MTUS1: variants seen among roughly 807,000 people sequenced by gnomAD.
The protein encoded by MTUS1 is microtubule-associated tumor suppressor 1.
Under a neutral mutation model 120.8 loss-of-function variants are expected in MTUS1, and 109 were observed. The observed-to-expected ratio is 0.90, with a 90% confidence interval of 0.77 to 1.06. MTUS1 has a LOEUF of 1.06. Among genes scored for constraint, MTUS1 ranks in the 50% least tolerant of loss-of-function variants. The probability of loss-of-function intolerance (pLI) is 0.00; values close to 1 mark genes in which losing one functional copy is unlikely to be tolerated. For missense variants in MTUS1, 2,210 were observed against 1,486.3 expected, an observed-to-expected ratio of 1.49 and a Z score of -8.01; for synonymous variants, 737 against 550.5, an observed-to-expected ratio of 1.34 and a Z score of -4.74.
chr8:17,692,852 G>C (rs1177086300), intron 6 of MTUS1, among the ~76,000 whole-genome samples: 1 of 152,082 alleles, frequency 6.6e-6, no homozygotes, highest in East Asian at 1.9e-4. Context: ...GAACCTAAAA[G>C]TTCAAAATAA....
chr8:17,711,935 T>C (rs1034927536), intron 6 of MTUS1, among the ~76,000 whole-genome samples: 3 of 152,312 alleles, frequency 2.0e-5, no homozygotes, highest in South Asian at 2.1e-4. Context: ...AGTGGAGCAC[T>C]TGAAATGCAA....
intron 6 of MTUS1, chr8:17,705,581 A>G (rs1177097893): frequency 6.6e-6 from 1 of 152,104 alleles, no homozygotes; most frequent in Non-Finnish European, 1.5e-5. Context: ...TGTTTTAAGT[A>G]TAGGGGGAAA....
chr8:17,768,949 G>T (rs1259073373), intron 1 of MTUS1, among the ~76,000 whole-genome samples: 2 of 151,806 alleles, frequency 1.3e-5, no homozygotes, highest in African/African-American at 2.4e-5. Flanking sequence ...TTTTAATATG[G>T]TTACAATTTA....
chr8:17,727,878 G>C (rs2046320884), intron 3 of MTUS1, among the ~76,000 whole-genome samples: 1 of 152,060 alleles, frequency 6.6e-6, no homozygotes, highest in Non-Finnish European at 1.5e-5. Flanking sequence ...AATCTGGAAG[G>C]AATAACACCT....
At chr8:17,748,941 G>A (rs1165833094) in intron 2 of MTUS1, among the ~76,000 whole-genome samples, 2 of 152,160 alleles carry the variant, frequency 1.3e-5, no homozygotes, top group Non-Finnish European at 2.9e-5. Flanking sequence ...TACTCACAGT[G>A]TGAATTCCAA....
At chr8:17,761,449 T>C (rs2049031217) in intron 1 of MTUS1, among the ~76,000 whole-genome samples, 3 of 152,196 alleles carry the variant, frequency 2.0e-5, no homozygotes, top group Admixed American at 2.0e-4. Context: ...ATGAGAAACC[T>C]CTGAGAAATC....
intron 7 of MTUS1, among the ~76,000 whole-genome samples, chr8:17,678,257 G>A (rs537061324): frequency 6.6e-6 from 1 of 152,082 alleles, no homozygotes; most frequent in Non-Finnish European, 1.5e-5. Context: ...TTACTCAGCT[G>A]CTCCTAGATC....
chr8:17,693,719 G>C (rs548903308), intron 6 of MTUS1, among the ~76,000 whole-genome samples: 5 of 152,330 alleles, frequency 3.3e-5, no homozygotes, highest in African/African-American at 4.8e-5. Context: ...CACCTGCTGA[G>C]AGCTGCTTGG....
chr8:17,777,075 T>A (rs1195526937), intron 1 of MTUS1, among the ~76,000 whole-genome samples: 1 of 152,132 alleles, frequency 6.6e-6, no homozygotes, highest in Non-Finnish European at 1.5e-5. Context: ...AACTAGTGAA[T>A]TAGCCCTCGT....
intron 7 of MTUS1, among the ~76,000 whole-genome samples, chr8:17,677,681 G>A (rs528559550): frequency 1.3e-5 from 2 of 152,210 alleles, no homozygotes; most frequent in South Asian, 4.2e-4. Context: ...TGTCCTTAAT[G>A]CCTCAGAAAC....
At chr8:17,724,679 G>A (rs1188385693) in intron 3 of MTUS1, among the ~76,000 whole-genome samples, 1 of 152,084 alleles carries the variant, frequency 6.6e-6, no homozygotes, top group Non-Finnish European at 1.5e-5. Context: ...TCACGAACCT[G>A]CTACCTAAAT....
At chr8:17,735,761 T>C (rs1006052882) in intron 3 of MTUS1, among the ~76,000 whole-genome samples, 3 of 152,246 alleles carry the variant, frequency 2.0e-5, no homozygotes, top group African/African-American at 7.2e-5. Context: ...CCAAGGAATG[T>C]TTTTAAACAC....
At chr8:17,670,503 G>C (rs995859705) in intron 8 of MTUS1, among the ~76,000 whole-genome samples, 5 of 152,154 alleles carry the variant, frequency 3.3e-5, no homozygotes, top group Non-Finnish European at 2.9e-5. Flanking sequence ...GTGGAAAAGT[G>C]CTTGACCTAT....
chr8:17,770,354 C>A (rs913809463), intron 1 of MTUS1: 3 of 151,036 alleles, frequency 2.0e-5, no homozygotes, highest in African/African-American at 7.3e-5. Flanking sequence ...AGAGCAGCTT[C>A]AAAAAAAAAT....
intron 6 of MTUS1, among the ~76,000 whole-genome samples, chr8:17,685,125 G>A (rs115781671): frequency 8.7e-4 from 132 of 152,180 alleles, no homozygotes; most frequent in African/African-American, 3.1e-3. Context: ...TTCACTGTTA[G>A]GAGTACTATA....
intron 3 of MTUS1, among the ~76,000 whole-genome samples, chr8:17,728,806 T>C (rs2046379689): frequency 6.6e-6 from 1 of 152,102 alleles, no homozygotes; most frequent in Non-Finnish European, 1.5e-5. Flanking sequence ...AGGGTGAGGC[T>C]TTTTTAGCAT....
chr8:17,757,320 T>C lies in MTUS1; in HGVS notation c.-154-1359A>G, dbSNP rs138651787. Among the ~76,000 whole-genome samples the C allele has an allele frequency of 4.6e-5, 7 of 152,342 alleles. No individual in the cohort carries two copies. In the East Asian group the frequency reaches 1.3e-3, roughly 29 times the overall value. On this transcript the variant is annotated intron_variant, in intron 1 of 14. Transcript: ENST00000693296. ...CAGTCATGAAAGTCTACATACTATA[T>C]GACACTATTTACATGAAATGTCCAG...
chr8:17,656,828 T>G (rs561363143), intron 8 of MTUS1, among the ~76,000 whole-genome samples: 2 of 150,774 alleles, frequency 1.3e-5, no homozygotes, highest in African/African-American at 4.9e-5. Flanking sequence ...TCCCAGCACT[T>G]TGGGAGGCCG....
chr8:17,727,475 A>G (rs1159254115), intron 3 of MTUS1, among the ~76,000 whole-genome samples: 1 of 152,224 alleles, frequency 6.6e-6, no homozygotes, highest in African/African-American at 2.4e-5. Context: ...AGGAGCTCCT[A>G]CAGCGGAATG....
Sources: allele counts gnomAD v4.1 joint callset (sites outside exome capture counted in the v4.1 genomes callset), GRCh38; gene constraint gnomAD v4.1.1; transcripts MANE v1.5; gene names NCBI Gene and HGNC (gene_info 2026-07-23, HGNC 2026-07-21).